The following SRP54 variants were observed in gnomAD, a reference collection of about 807,000 sequenced individuals.
The protein encoded by SRP54 is signal recognition particle subunit SRP54.
In SRP54, 10 loss-of-function variants were observed where a neutral mutation model predicts 64.8. The observed-to-expected ratio is 0.15, with a 90% CI of 0.10 to 0.26. The LOEUF (loss-of-function observed/expected upper bound fraction) is 0.26. Ranked by LOEUF, SRP54 falls within the 10% of genes least tolerant of loss-of-function variation. The pLI, the probability that SRP54 is intolerant of heterozygous loss-of-function variation, is 1.00. For synonymous variants in SRP54, 193 were observed against 185.6 expected (o/e 1.04, Z -0.32); for missense variants, 325 against 613.7 (o/e 0.53, Z 4.97).
At position 35,011,491 on chromosome 14, in the gene SRP54, T is replaced by C; in HGVS notation, c.486-18T>C. On this transcript the variant is annotated intron_variant, in intron 7 of 15. Coordinates refer to ENST00000216774, the MANE Select transcript of SRP54 (RefSeq NM_003136.4). ...GAAGTTTTGTCGTTTTGTTAAATCA[T>C]TTGTCCATGTTATATAGCTATACAG... 2 of 1,406,528 alleles carry C rather than the reference T, an allele frequency of 1.4e-6. No individual in the cohort carries two copies. The highest frequency in any genetic ancestry group is 1.9e-6 in the Non-Finnish European group (2 of 1,065,426). 87.1% of individuals were successfully genotyped at this position (1,406,528 alleles called of 1,614,324 possible).
chr14:35,029,227 C>G lies in SRP54; in HGVS notation c.*75C>G. 8.8e-7 allele frequency: 1 copy of G among 1,139,068 alleles called. No homozygotes were observed. The highest frequency in any genetic ancestry group is 1.4e-5 in the South Asian group (1 of 70,514). The allele number at this position is 1,139,068 out of a possible 1,614,324, so 70.6% of individuals were successfully genotyped here. A position where few individuals can be genotyped will look rare whatever the true frequency, so the allele number is the denominator to read the frequency against. The stretch of plus-strand genomic sequence containing the variant: ...GACCTCAGCGTTTCCCTTCTTTTTG[C>G]GAATTGGGGGGAAAGTGTATTTTTC... On this transcript the variant is annotated 3_prime_UTR_variant, in exon 16 of 16. Coordinates refer to ENST00000216774, the MANE Select transcript of SRP54 (RefSeq NM_003136.4).
At chr14:35,007,644 A>AT (rs2044283554) in intron 5 of SRP54, among the ~76,000 whole-genome samples, 1 of 43,274 alleles carries the variant, frequency 2.3e-5, no homozygotes, top group African/African-American at 7.3e-5. Flanking sequence ...TTATATTATA[A>AT]TAAAATATAT....
rs908142206 is a variant in SRP54 at position 35,029,187 on chromosome 14, T to C, written c.*35T>C. 4 of 1,564,040 alleles carry C rather than the reference T, an allele frequency of 2.6e-6. No homozygotes were observed. Among genetic ancestry groups the C allele is most frequent in the East Asian group, 2.3e-5 (1 of 43,940 alleles). On this transcript the variant is annotated 3_prime_UTR_variant, in exon 16 of 16. Coordinates refer to ENST00000216774, the MANE Select transcript of SRP54 (RefSeq NM_003136.4). Reference sequence around the variant, plus strand: ...CTTAATATAAACTGACTCAGTTGAATACCTAATTTGCTGAGACCTCAGCGT... The same window carrying C: ...CTTAATATAAACTGACTCAGTTGAACACCTAATTTGCTGAGACCTCAGCGT...
chr14:35,015,098 A>T (rs1294175302), intron 11 of SRP54, among the ~76,000 whole-genome samples: 2 of 152,140 alleles, frequency 1.3e-5, no homozygotes, highest in Admixed American at 6.5e-5. Context: ...GTTTTTTAAG[A>T]CAGAGTCTCA....
intron 13 of SRP54, among the ~76,000 whole-genome samples, chr14:35,021,592 C>T (rs995082515): frequency 2.0e-5 from 3 of 151,320 alleles, no homozygotes; most frequent in Non-Finnish European, 4.4e-5. Flanking sequence ...AAGCTTGCAC[C>T]ACTGCACTCC....
At chr14:35,002,018 TAGTG>T (rs554260529) in intron 4 of SRP54, among the ~76,000 whole-genome samples, 231 of 150,596 alleles carry the variant, frequency 1.5e-3, no homozygotes, top group African/African-American at 5.5e-3. Flanking sequence ...CAGGGCAACA[TAGTG>T]AGAACCAGTC....
chr14:34,986,930 A>G (rs1385934527), intron 1 of SRP54, among the ~76,000 whole-genome samples: 1 of 151,952 alleles, frequency 6.6e-6, no homozygotes, highest in African/African-American at 2.4e-5. Flanking sequence ...TGTTATTTTA[A>G]CAGTTTATTA....
In SRP54 at chr14:35,008,761, C is replaced by T; in HGVS notation, c.428-13C>T. Reference sequence around the variant, plus strand: ...TTTCAAGTTTGAGGATTCATGAACTCTTTATCTTCCAGGGGCTTTTGACCA... The same window carrying T: ...TTTCAAGTTTGAGGATTCATGAACTTTTTATCTTCCAGGGGCTTTTGACCA... On this transcript the variant is annotated splice_polypyrimidine_tract_variant and intron_variant, in intron 6 of 15. Transcript: ENST00000216774. The T allele has an allele frequency of 6.2e-7, 1 of 1,606,752 alleles. No individual in the cohort carries two copies. The highest frequency in any genetic ancestry group is 8.5e-7 in the Non-Finnish European group (1 of 1,177,922).
At chr14:35,021,381 G>C (rs974355426) in intron 13 of SRP54, among the ~76,000 whole-genome samples, 3 of 152,138 alleles carry the variant, frequency 2.0e-5, no homozygotes, top group Middle Eastern at 3.2e-3. Flanking sequence ...TGTAATCCCA[G>C]CATTTTGGGA....
intron 2 of SRP54, among the ~76,000 whole-genome samples, chr14:34,998,420 C>T (rs920359131): frequency 6.6e-6 from 1 of 152,220 alleles, no homozygotes; most frequent in Non-Finnish European, 1.5e-5. Flanking sequence ...TGGAGAGTAG[C>T]CTCCTTTCCA....
chr14:34,990,093 A>G (rs1016926505), intron 1 of SRP54, among the ~76,000 whole-genome samples: 2 of 152,130 alleles, frequency 1.3e-5, no homozygotes, highest in African/African-American at 2.4e-5. Flanking sequence ...TACTTAGGGC[A>G]CCCAAAACTT....
In SRP54 at chr14:35,029,205, C is replaced by G. The variant is rs2044684293; in HGVS notation, c.*53C>G. ...AGTTGAATACCTAATTTGCTGAGAC[C>G]TCAGCGTTTCCCTTCTTTTTGCGAA... On this transcript the variant is annotated 3_prime_UTR_variant, in exon 16 of 16. Coordinates refer to ENST00000216774, the MANE Select transcript of SRP54 (RefSeq NM_003136.4). 7.0e-7 allele frequency: 1 copy of G among 1,423,146 alleles called. No homozygotes were observed. Among genetic ancestry groups the G allele is most frequent in the East Asian group, 2.4e-5 (1 of 41,320 alleles). The allele number at this position is 1,423,146 out of a possible 1,614,324, so 88.2% of individuals were successfully genotyped here. A position where few individuals can be genotyped will look rare whatever the true frequency, so the allele number is the denominator to read the frequency against.
rs1028377962 is a variant in SRP54, at chr14:34,991,882, G to A, written c.-33-4795G>A. On this transcript the variant is annotated intron_variant, in intron 1 of 15. Coordinates refer to ENST00000216774, the MANE Select transcript of SRP54 (RefSeq NM_003136.4). Reference sequence around the variant, plus strand: ...GTAGAGGAAACACTGTAAGTTAAAGGTATTATTAGATGTTCTTACTCCTCT... The same window carrying A: ...GTAGAGGAAACACTGTAAGTTAAAGATATTATTAGATGTTCTTACTCCTCT... Among the ~76,000 whole-genome samples, 3 of 152,072 alleles carry A rather than the reference G, an allele frequency of 2.0e-5. No homozygotes were observed. In the South Asian group the frequency reaches 6.2e-4, roughly 31 times the overall value.
At chr14:35,020,546 A>T (rs535213793) in intron 13 of SRP54, among the ~76,000 whole-genome samples, 1 of 152,030 alleles carries the variant, frequency 6.6e-6, no homozygotes, top group Non-Finnish European at 1.5e-5. Flanking sequence ...AATTTGAACA[A>T]TTTTTCATAT....
chr14:35,027,840 G>A (rs1023162162), intron 14 of SRP54: 10 of 268,196 alleles, frequency 3.7e-5, no homozygotes, highest in East Asian at 1.4e-4. Context: ...AGCATAAATC[G>A]TAGCCTTAAA....
chr14:35,029,207 C>G lies in SRP54; in HGVS notation c.*55C>G, dbSNP rs1260493491. On this transcript the variant is annotated 3_prime_UTR_variant, in exon 16 of 16. Coordinates refer to ENST00000216774, the MANE Select transcript of SRP54 (RefSeq NM_003136.4). ...TTGAATACCTAATTTGCTGAGACCT[C>G]AGCGTTTCCCTTCTTTTTGCGAATT... 1 of 1,400,434 alleles carries G rather than the reference C, an allele frequency of 7.1e-7. No individual in the cohort carries two copies. Among genetic ancestry groups the G allele is most frequent in the Non-Finnish European group, 9.9e-7 (1 of 1,007,490 alleles). The allele number at this position is 1,400,434 out of a possible 1,614,324, so 86.8% of individuals were successfully genotyped here. A position where few individuals can be genotyped will look rare whatever the true frequency, so the allele number is the denominator to read the frequency against.
chr14:35,016,170 TGTAA>T (rs796560013), intron 11 of SRP54, among the ~76,000 whole-genome samples: 73 of 152,316 alleles, frequency 4.8e-4, no homozygotes, highest in African/African-American at 1.6e-3. Flanking sequence ...ATCTTCTTAT[TGTAA>T]GTCTTTCAAC....
intron 14 of SRP54, among the ~76,000 whole-genome samples, chr14:35,024,662 CTTTTTTT>C (rs11325224): frequency 2.1e-5 from 3 of 144,790 alleles, no homozygotes; most frequent in African/African-American, 5.1e-5. Flanking sequence ...TTATTTTTTC[CTTTTTTT>C]TTTTTCTTTA....
At chr14:34,998,855 T>C (rs571507935) in intron 2 of SRP54, among the ~76,000 whole-genome samples, 5 of 151,786 alleles carry the variant, frequency 3.3e-5, no homozygotes, top group South Asian at 4.2e-4. Context: ...ATTGTAACTA[T>C]ATACCACTAC....
Sources: allele counts gnomAD v4.1 joint callset (sites outside exome capture counted in the v4.1 genomes callset), GRCh38; gene constraint gnomAD v4.1.1; transcripts MANE v1.5; gene names NCBI Gene and HGNC (gene_info 2026-07-23, HGNC 2026-07-21).